The following CNTNAP4 variants were observed in gnomAD, a reference collection of about 807,000 sequenced individuals.
CNTNAP4 encodes the protein contactin associated protein family member 4.
In CNTNAP4, 98 loss-of-function variants were observed where a neutral mutation model predicts 148.4. The ratio of observed to expected loss-of-function variants is 0.66; its 90% CI spans 0.56 to 0.78. CNTNAP4 has a LOEUF of 0.78. CNTNAP4 is among the 30% of genes least tolerant of loss of function. CNTNAP4 has a pLI of 0.00. For synonymous variants in CNTNAP4, 730 were observed against 565.1 expected, an observed-to-expected ratio of 1.29 and a Z score of -4.14; for missense variants, 1,935 against 1,565.6, an observed-to-expected ratio of 1.24 and a Z score of -3.98.
Position 76,316,477 on chromosome 16 carries a change from C to T in CNTNAP4, c.150C>T (p.Leu50=), listed in dbSNP as rs747205215. 1.2e-6 allele frequency: 2 copies of T among 1,613,780 alleles called. No homozygotes were observed. The highest frequency in any genetic ancestry group is 1.7e-6 in the Non-Finnish European group (2 of 1,179,838). ...CATCCTTCAGCAGTTCTTCCGAGCT[C>T]TCCAGCAGTCATGGTCCTGGATTTG... ...PQASFSSSSE[L]SSSHGPGFAR... Residue 50 remains leucine, a synonymous_variant, in exon 2 of 24, where the codon CTC becomes CTT. Coordinates refer to ENST00000611870, the MANE Select transcript of CNTNAP4 (RefSeq NM_033401.5).
intron 12 of CNTNAP4, among the ~76,000 whole-genome samples, chr16:76,485,114 CTTTTCTTT>C (rs954762609): frequency 6.6e-6 from 1 of 151,934 alleles, no homozygotes; most frequent in Non-Finnish European, 1.5e-5. Context: ...TTTTTCTTTT[CTTTTCTTT>C]TTTTCTTTTT....
At chr16:76,288,028 C>T (rs545036772) in intron 1 of CNTNAP4, among the ~76,000 whole-genome samples, 4 of 152,030 alleles carry the variant, frequency 2.6e-5, no homozygotes, top group Non-Finnish European at 5.9e-5. Context: ...ATTTCCCCCA[C>T]CCAAATCTCA....
intron 3 of CNTNAP4, among the ~76,000 whole-genome samples, chr16:76,391,745 T>C (rs2017016212): frequency 6.6e-6 from 1 of 152,200 alleles, no homozygotes. Flanking sequence ...TCTATAGCTT[T>C]GCTACTCAAT....
At chr16:76,429,137 T>C (rs36017562) in intron 4 of CNTNAP4, among the ~76,000 whole-genome samples, 32,367 of 152,036 alleles carry the variant, frequency 0.21, 3,826 homozygotes, top group East Asian at 0.37. Context: ...CAATCCAGCT[T>C]AGCTACACCA....
At chr16:76,398,370 C>G (rs922006700) in intron 3 of CNTNAP4, among the ~76,000 whole-genome samples, 2 of 152,052 alleles carry the variant, frequency 1.3e-5, no homozygotes, top group African/African-American at 4.8e-5. Flanking sequence ...TCAATATTAA[C>G]CATCACAATA....
intron 3 of CNTNAP4, among the ~76,000 whole-genome samples, chr16:76,366,090 G>A (rs899052296): frequency 1.3e-5 from 2 of 151,450 alleles, no homozygotes; most frequent in African/African-American, 4.9e-5. Context: ...TTTTATCTTT[G>A]TGCATTTACA....
At chr16:76,512,878 T>C (rs1232307229) in intron 15 of CNTNAP4, among the ~76,000 whole-genome samples, 1 of 152,196 alleles carries the variant, frequency 6.6e-6, no homozygotes. Context: ...CTGTGTTAAA[T>C]GTTGTTAGCT....
At position 76,316,579 on chromosome 16, in the gene CNTNAP4, T is replaced by C; in HGVS notation, c.196+56T>C. 4 of 1,090,398 alleles carry C rather than the reference T, an allele frequency of 3.7e-6. No homozygotes were observed. In the South Asian group the frequency reaches 5.1e-5, roughly 14 times the overall value. The allele number at this position is 1,090,398 out of a possible 1,614,324, so 67.5% of individuals were successfully genotyped here. A position where few individuals can be genotyped will look rare whatever the true frequency, so the allele number is the denominator to read the frequency against. ...ATAGAAAATCTCACTAGTTTTTCAT[T>C]ATCTTTGCATACAGTCATTATGAAT... On this transcript the variant is annotated intron_variant, in intron 2 of 23. Transcript: ENST00000611870.
At chr16:76,402,005 A>G (rs565725624) in intron 3 of CNTNAP4, among the ~76,000 whole-genome samples, 10 of 152,128 alleles carry the variant, frequency 6.6e-5, no homozygotes, top group African/African-American at 1.9e-4. Context: ...GAAGTTTTCT[A>G]TTTTTGTTGT....
intron 3 of CNTNAP4, among the ~76,000 whole-genome samples, chr16:76,384,274 C>G (rs1202678158): frequency 2.0e-5 from 3 of 152,018 alleles, no homozygotes; most frequent in Non-Finnish European, 4.4e-5. Flanking sequence ...GAAATCCTGA[C>G]CTTGTGATCC....
chr16:76,343,017 C>T (rs1353306938), intron 2 of CNTNAP4, among the ~76,000 whole-genome samples: 4 of 151,966 alleles, frequency 2.6e-5, no homozygotes, highest in African/African-American at 7.3e-5. Flanking sequence ...GTGGTAACAG[C>T]GTTCAGGAAA....
chr16:76,349,929 G>A (rs953257060), intron 2 of CNTNAP4, among the ~76,000 whole-genome samples: 1 of 151,828 alleles, frequency 6.6e-6, no homozygotes, highest in Non-Finnish European at 1.5e-5. Flanking sequence ...ATATTACTAC[G>A]GGATAAAGGT....
chr16:76,432,158 T>G (rs1422629385), intron 4 of CNTNAP4, among the ~76,000 whole-genome samples: 1 of 152,184 alleles, frequency 6.6e-6, no homozygotes, highest in Non-Finnish European at 1.5e-5. Flanking sequence ...CTTTGTACTA[T>G]TTTTTAGGTG....
intron 1 of CNTNAP4, among the ~76,000 whole-genome samples, chr16:76,296,219 C>A (rs1462003469): frequency 2.6e-5 from 4 of 152,102 alleles, no homozygotes; most frequent in Non-Finnish European, 5.9e-5. Context: ...TTGCTTTTGG[C>A]AAGAATAAGA....
intron 3 of CNTNAP4, among the ~76,000 whole-genome samples, chr16:76,415,337 A>G (rs913246324): frequency 1.3e-5 from 2 of 151,210 alleles, no homozygotes; most frequent in African/African-American, 4.8e-5. Context: ...TTTATAATCA[A>G]TAAGGAGTTT....
chr16:76,480,077 G>A (rs924469516), intron 12 of CNTNAP4, among the ~76,000 whole-genome samples: 2 of 151,880 alleles, frequency 1.3e-5, no homozygotes, highest in Non-Finnish European at 2.9e-5. Flanking sequence ...TCCCATTACC[G>A]GCTTTAATAC....
In CNTNAP4 at chr16:76,277,728, A is replaced by G. The variant is rs1170832262; in HGVS notation, c.66A>G (p.Arg22=). The part of the protein sequence containing the change: ...LLLLSTQNWN[R]VEAGNSYDCD... ...TGTTATCTACTCAAAATTGGAACAG[A>G]GTCGAAGCTGGGAATTCCTGTAAGT... Residue 22 remains arginine (R), a synonymous_variant, in exon 1 of 24, where the codon AGA becomes AGG. Transcript: ENST00000611870. 6 of 1,600,472 alleles carry G rather than the reference A, an allele frequency of 3.7e-6. No homozygotes were observed. In the Admixed American group the frequency reaches 5.1e-5, roughly 14 times the overall value.
chr16:76,525,446 A>G (rs1325338738), intron 17 of CNTNAP4, among the ~76,000 whole-genome samples: 1 of 149,514 alleles, frequency 6.7e-6, no homozygotes, highest in African/African-American at 2.4e-5. Context: ...CTATATAGAG[A>G]GAGAAAAAAT....
chr16:76,307,853 A>C (rs1342355797), intron 1 of CNTNAP4, among the ~76,000 whole-genome samples: 1 of 152,156 alleles, frequency 6.6e-6, no homozygotes, highest in Non-Finnish European at 1.5e-5. Context: ...ATTAATTGTG[A>C]AGATTAATTG....
Sources: gnomAD v4.1 joint callset for allele counts (sites outside exome capture counted in the v4.1 genomes callset) on GRCh38, gnomAD v4.1.1 for gene constraint, MANE v1.5 for transcripts, NCBI Gene and HGNC (gene_info 2026-07-23, HGNC 2026-07-21) for gene names.